The following STK32C variants were observed in gnomAD, a reference collection of about 807,000 sequenced individuals.
The protein encoded by STK32C is serine/threonine kinase 32C.
In STK32C, 31 loss-of-function variants were observed where a neutral mutation model predicts 56.5. The ratio of observed to expected loss-of-function variants is 0.55; its 90% CI spans 0.41 to 0.74. The LOEUF is 0.74. STK32C is among the 30% of genes least tolerant of loss of function. The pLI is 0.00. For synonymous variants in STK32C, 309 were observed against 289.4 expected (o/e 1.07, Z -0.69); for missense variants, 544 against 676.9 (o/e 0.80, Z 2.18).
At chr10:132,266,296 A>C (rs1179022617) in intron 1 of STK32C, among the ~76,000 whole-genome samples, 2 of 152,124 alleles carry the variant, frequency 1.3e-5, no homozygotes, top group Non-Finnish European at 2.9e-5. Flanking sequence ...CCACAGTGAG[A>C]AGCACAGGTT....
intron 10 of STK32C, among the ~76,000 whole-genome samples, chr10:132,213,348 C>A (rs2062373687): frequency 6.6e-6 from 1 of 152,240 alleles, no homozygotes; most frequent in Non-Finnish European, 1.5e-5. Flanking sequence ...ATCTTCCCAA[C>A]ACACCCACAG....
Position 132,207,945 on chromosome 10 carries a change from G to A in STK32C, c.*65C>T. 7.9e-7 allele frequency: 1 copy of A among 1,261,212 alleles called. No individual in the cohort carries two copies. The highest frequency in any genetic ancestry group is 1.0e-6 in the Non-Finnish European group (1 of 997,260). The allele number at this position is 1,261,212 out of a possible 1,614,324, so 78.1% of individuals were successfully genotyped here. On this transcript the variant is annotated 3_prime_UTR_variant, in exon 12 of 12. Coordinates refer to ENST00000298630, the MANE Select transcript of STK32C (RefSeq NM_173575.4). Reference sequence around the variant, plus strand: ...ACGTGAATGCCAGGCCTCGGCCCATGGCCCTCCCTCTGGCAGCCGAGTCTC... The same window carrying A: ...ACGTGAATGCCAGGCCTCGGCCCATAGCCCTCCCTCTGGCAGCCGAGTCTC...
intron 1 of STK32C, among the ~76,000 whole-genome samples, chr10:132,264,189 A>G (rs921545862): frequency 3.3e-5 from 5 of 152,208 alleles, no homozygotes; most frequent in African/African-American, 9.6e-5. Context: ...AACATTGTCA[A>G]TGCACTAAAC....
intron 4 of STK32C, among the ~76,000 whole-genome samples, chr10:132,226,436 T>G (rs1034577171): frequency 6.6e-6 from 1 of 152,246 alleles, no homozygotes; most frequent in African/African-American, 2.4e-5. Flanking sequence ...AAAATTAGTT[T>G]GGATTCCCTG....
downstream of STK32C, among the ~76,000 whole-genome samples, chr10:132,322,406 G>A (rs1488862434): frequency 6.6e-6 from 1 of 152,102 alleles, no homozygotes; most frequent in African/African-American, 2.4e-5. Flanking sequence ...GTATCTTTCT[G>A]ATGAACAGGA....
intron 2 of STK32C, among the ~76,000 whole-genome samples, chr10:132,243,246 C>T (rs190256986): frequency 5.3e-5 from 8 of 152,348 alleles, no homozygotes; most frequent in Non-Finnish European, 1.0e-4. Context: ...GGCTGGAATG[C>T]GATGTCCTGG....
intron 1 of STK32C, among the ~76,000 whole-genome samples, chr10:132,258,899 G>A (rs534361614): frequency 6.6e-6 from 1 of 152,250 alleles, no homozygotes; most frequent in Non-Finnish European, 1.5e-5. Context: ...GGCAGACGGG[G>A]GTTGAGGATG....
At chr10:132,220,837 G>A (rs888374542) in intron 10 of STK32C, among the ~76,000 whole-genome samples, 19 of 152,200 alleles carry the variant, frequency 1.2e-4, no homozygotes, top group African/African-American at 4.1e-4. Flanking sequence ...GTGAGACCCC[G>A]AAGCAGGGAA....
At chr10:132,228,819 C>T (rs1282106857) in intron 2 of STK32C, among the ~76,000 whole-genome samples, 1 of 152,254 alleles carries the variant, frequency 6.6e-6, no homozygotes, top group Non-Finnish European at 1.5e-5. Context: ...GTCTCAACAC[C>T]GTGAGGCCAA....
upstream of STK32C, chr10:132,331,912 CA>C: frequency 1.2e-6 from 1 of 807,950 alleles, no homozygotes; most frequent in Non-Finnish European, 1.8e-6. Context: ...GCAGGCGCAC[CA>C]CAACCCCCCC....
chr10:132,307,622 G>A lies in STK32C; in HGVS notation c.212C>T (p.Ser71Phe). Residue 71 changes from serine to phenylalanine, a missense_variant, in exon 1 of 12, where the codon TCC becomes TTC. This residue lies in a region of STK32C where 182 missense variants were observed against 217.7 expected (regional missense o/e 0.84). Coordinates refer to ENST00000298630, the MANE Select transcript of STK32C (RefSeq NM_173575.4). The surrounding 1 kb of genome is among the most constrained non-coding windows in gnomAD (Gnocchi z 4.4). The stretch of plus-strand genomic sequence containing the variant: ...CCTCCGCGCGGTGGCCGCCGACATG[G>A]ACGAGCCCATCCTCTTCTTCCACTT... Reference protein sequence around the residue: ...WSKWKKRMGSSMSAATARRPV... With the variant: ...WSKWKKRMGSFMSAATARRPV... The A allele has an allele frequency of 6.4e-7, 1 of 1,560,390 alleles. No homozygotes were observed. Among genetic ancestry groups the A allele is most frequent in the Non-Finnish European group, 8.6e-7 (1 of 1,156,824 alleles).
chr10:132,304,942 G>A (rs571664610), intron 1 of STK32C, among the ~76,000 whole-genome samples: 1 of 152,196 alleles, frequency 6.6e-6, no homozygotes, highest in South Asian at 2.1e-4. Context: ...CTGTGACCCC[G>A]AGACGGGCGA....
intron 1 of STK32C, among the ~76,000 whole-genome samples, chr10:132,248,007 TCCA>T (rs1207946295): frequency 6.6e-6 from 1 of 152,104 alleles, no homozygotes; most frequent in East Asian, 1.9e-4. Flanking sequence ...TGACACAGCC[TCCA>T]CGAGCCCCCG....
At chr10:132,327,577 G>A (rs1377884345) in intron 1 of STK32C, among the ~76,000 whole-genome samples, 2 of 151,928 alleles carry the variant, frequency 1.3e-5, no homozygotes, top group African/African-American at 4.8e-5. Flanking sequence ...CCAGGTTCAA[G>A]CAATTCTCCT....
chr10:132,229,255 C>A (rs755305468), intron 2 of STK32C, among the ~76,000 whole-genome samples: 6 of 152,162 alleles, frequency 3.9e-5, no homozygotes, highest in Non-Finnish European at 7.4e-5. Flanking sequence ...CTCTGGTCCT[C>A]AAGGAGTTGG....
intron 2 of STK32C, among the ~76,000 whole-genome samples, chr10:132,240,602 G>A (rs546034176): frequency 5.9e-5 from 9 of 152,284 alleles, no homozygotes; most frequent in Non-Finnish European, 1.2e-4. Context: ...GCGGTTCCTC[G>A]GGGTGGGTGG....
chr10:132,254,999 G>A (rs1045054614), intron 1 of STK32C, among the ~76,000 whole-genome samples: 1 of 152,016 alleles, frequency 6.6e-6, no homozygotes, highest in African/African-American at 2.4e-5. Flanking sequence ...TCATCCGGAA[G>A]AGGCCCCCAC....
intron 1 of STK32C, among the ~76,000 whole-genome samples, chr10:132,313,641 G>A (rs1051672030): frequency 2.0e-5 from 3 of 152,264 alleles, no homozygotes; most frequent in Non-Finnish European, 4.4e-5. Flanking sequence ...ATGGGCAGAC[G>A]TCAGCCAAAG....
chr10:132,230,686 G>A (rs868731434), intron 2 of STK32C, among the ~76,000 whole-genome samples: 2 of 142,322 alleles, frequency 1.4e-5, no homozygotes, highest in African/African-American at 2.5e-5. Context: ...TGGCGGGGGG[G>A]GGGGGGCTGC....
Sources: allele counts gnomAD v4.1 joint callset (sites outside exome capture counted in the v4.1 genomes callset), GRCh38; gene constraint gnomAD v4.1.1; regional missense constraint gnomAD v4.1.1; non-coding constraint Gnocchi (gnomAD v3.1); transcripts MANE v1.5; gene names NCBI Gene and HGNC (gene_info 2026-07-23, HGNC 2026-07-21).